Variants in MED13L observed in about 807,000 individuals in gnomAD.
The protein encoded by MED13L is mediator of RNA polymerase II transcription subunit 13-like.
MED13L carries 7 observed loss-of-function variants against 220.9 expected under a neutral mutation model. The observed-to-expected ratio is 0.03, with a 90% CI of 0.02 to 0.06. The LOEUF (loss-of-function observed/expected upper bound fraction) is 0.06. MED13L is among the 10% of genes least tolerant of loss of function. MED13L has a pLI of 1.00. For synonymous variants in MED13L, 1,011 were observed against 1,015.2 expected (o/e 1.00, Z 0.08); for missense variants, 1,965 against 2,760.5 (o/e 0.71, Z 6.46).
At chr12:116,215,789 C>T (rs11067947) in intron 2 of MED13L, among the ~76,000 whole-genome samples, 13,690 of 152,136 alleles carry the variant, frequency 0.09, 716 homozygotes, top group East Asian at 0.21. Context: ...ATGGTCCTCA[C>T]TGCATCTTTC....
intron 2 of MED13L, among the ~76,000 whole-genome samples, chr12:116,172,858 CCA>C (rs1400994304): frequency 6.6e-6 from 1 of 151,466 alleles, no homozygotes; most frequent in Non-Finnish European, 1.5e-5. Context: ...ATCCTTCCTG[CCA>C]CAGTGTCTTG....
In MED13L at chr12:116,010,882, C is replaced by CT. The variant is rs751574971; in HGVS notation, c.1281-1751dup. 5.6e-3 allele frequency among the ~76,000 whole-genome samples: 772 copies of CT among 138,566 alleles called. 2 individuals carry two copies. The highest frequency in any genetic ancestry group is 0.019 in the Middle Eastern group (5 of 262). 90.9% of individuals were successfully genotyped at this position (138,566 alleles called of 152,430 possible). On this transcript the variant is annotated intron_variant, in intron 9 of 30. Transcript: ENST00000281928. ...TACATGGCAAAAATTAAGGATTTTTCTTTTTTTTTTTTTTTGAGATGGAGT... is the reference window on the plus strand; with the variant it reads ...TACATGGCAAAAATTAAGGATTTTTCTTTTTTTTTTTTTTTTGAGATGGAGT...
Position 115,970,628 on chromosome 12 carries a change from G to A in MED13L, c.6033C>T (p.Asn2011=). The change falls in exon 27 of 31, where the codon AAC becomes AAT. Residue 2011 remains asparagine, a synonymous_variant. Coordinates refer to ENST00000281928, the MANE Select transcript of MED13L (RefSeq NM_015335.5). The stretch of plus-strand genomic sequence containing the variant: ...GGCTAAACCCATCTTCATTGGGGTA[G>A]TTGGCTGGAGCCACCTGGATGGTTG... ...TSSTIQVAPA[N]YPNEDGFSPN... 1.9e-6 allele frequency: 3 copies of A among 1,613,996 alleles called. No individual in the cohort carries two copies. The highest frequency in any genetic ancestry group is 2.2e-5 in the East Asian group (1 of 44,874).
At chr12:116,169,545 CGT>C (rs1197103343) in intron 2 of MED13L, among the ~76,000 whole-genome samples, 3 of 152,244 alleles carry the variant, frequency 2.0e-5, no homozygotes, top group Non-Finnish European at 4.4e-5. Flanking sequence ...TATAACAATA[CGT>C]TGTTTTGGTT....
intron 2 of MED13L, among the ~76,000 whole-genome samples, chr12:116,155,046 C>A (rs1361455237): frequency 6.6e-6 from 1 of 152,148 alleles, no homozygotes; most frequent in East Asian, 1.9e-4. Flanking sequence ...AGGCTGGTCT[C>A]AAACTCTTGA....
rs1325524709 is a variant in MED13L, at chr12:116,019,335, T to C, written c.898A>G (p.Ser300Gly). The C allele has an allele frequency of 3.1e-6, 5 of 1,614,012 alleles. No individual in the cohort carries two copies. The highest frequency in any genetic ancestry group is 4.2e-6 in the Non-Finnish European group (5 of 1,179,946). Residue 300 changes from serine to glycine, a missense_variant, in exon 7 of 31, where the codon AGT (serine) becomes GGT (glycine). Transcript: ENST00000281928. ...NDIPVPQSVASAGGHIAVGQQ... is the reference protein window; with the variant it reads ...NDIPVPQSVAGAGGHIAVGQQ... ...CCAACTGCAATGTGGCCTCCAGCAC[T>C]GGCAACACTCTGAGGAACCGGGATG...
intron 4 of MED13L, chr12:116,082,751 T>G (rs1871320213): frequency 6.6e-6 from 1 of 152,130 alleles, no homozygotes; most frequent in African/African-American, 2.4e-5. Context: ...ACACTTGTAG[T>G]GGGTCCTAAT....
At chr12:116,145,130 A>G (rs1315816831) in intron 2 of MED13L, among the ~76,000 whole-genome samples, 1 of 152,198 alleles carries the variant, frequency 6.6e-6, no homozygotes, top group Non-Finnish European at 1.5e-5. Context: ...GCCTCATACC[A>G]AACAGGGTAG....
At chr12:116,161,907 T>C (rs1439214247) in intron 2 of MED13L, among the ~76,000 whole-genome samples, 1 of 152,094 alleles carries the variant, frequency 6.6e-6, no homozygotes, top group Non-Finnish European at 1.5e-5. Context: ...TGTATCTTTT[T>C]TTAAAAAAAG....
intron 14 of MED13L, among the ~76,000 whole-genome samples, chr12:115,998,400 T>G (rs1312360706): frequency 6.6e-6 from 1 of 152,218 alleles, no homozygotes; most frequent in East Asian, 1.9e-4. Context: ...AAGATCTGAC[T>G]CCTAGCTCCG....
intron 4 of MED13L, among the ~76,000 whole-genome samples, chr12:116,061,631 G>T (rs151091836): frequency 6.6e-6 from 1 of 152,038 alleles, no homozygotes; most frequent in African/African-American, 2.4e-5. Context: ...TCATCAATGC[G>T]CATCCCAAAT....
chr12:115,987,673 TATG>T (rs1022761429), intron 17 of MED13L, among the ~76,000 whole-genome samples: 2 of 152,202 alleles, frequency 1.3e-5, no homozygotes, highest in African/African-American at 4.8e-5. Context: ...GTTTTGTTTA[TATG>T]ATAAGTAGGA....
intron 1 of MED13L, among the ~76,000 whole-genome samples, chr12:116,254,609 G>A (rs1191555812): frequency 1.3e-5 from 2 of 151,872 alleles, no homozygotes; most frequent in South Asian, 2.1e-4. Context: ...AAATTAGCCA[G>A]GCATGGTGGC....
At chr12:116,156,923 G>C (rs1593110607) in intron 2 of MED13L, among the ~76,000 whole-genome samples, 2 of 152,236 alleles carry the variant, frequency 1.3e-5, no homozygotes, top group East Asian at 3.9e-4. Flanking sequence ...AGAGCAACTA[G>C]ACAGAAGGAG....
At chr12:116,050,145 G>C (rs1380472395) in intron 4 of MED13L, among the ~76,000 whole-genome samples, 1 of 151,944 alleles carries the variant, frequency 6.6e-6, no homozygotes, top group Non-Finnish European at 1.5e-5. Flanking sequence ...ATTGTTCTAG[G>C]GTGCGACTCC....
chr12:116,127,493 T>C lies in MED13L; in HGVS notation c.311-15981A>G, dbSNP rs75633796. 2.2e-4 allele frequency among the ~76,000 whole-genome samples: 33 copies of C among 152,306 alleles called. No individual in the cohort carries two copies. In the East Asian group the frequency reaches 5.4e-3, roughly 25 times the overall value. On this transcript the variant is annotated intron_variant, in intron 2 of 30. Transcript: ENST00000281928. ...AATTTTAAATATAAGTACCCCTATG[T>C]AGTCCGTTAAACAGTTACTACTCTA...
chr12:116,237,581 G>A lies in MED13L; in HGVS notation c.197C>T (p.Ala66Val), dbSNP rs1418227712. 1 of 1,614,194 alleles carries A rather than the reference G, an allele frequency of 6.2e-7. No individual in the cohort carries two copies. Among genetic ancestry groups the A allele is most frequent in the East Asian group, 2.2e-5 (1 of 44,884 alleles). Residue 66 changes from alanine to valine, a missense_variant, in exon 2 of 31, where the codon GCT becomes GTT. Around this residue, in one of 10 missense-constraint regions of MED13L, gnomAD observed 818 missense variants for 1,041.2 expected, o/e 0.79. Transcript: ENST00000281928. ...ILLSFIRCLQ[A>V]NLLCVWRRDV... ...ACGACGCCATACACAAAGCAGGTTA[G>A]CTTGCAGACAGCGGATGAAACTTAA...
chr12:115,970,868 T>C, intron 26 of MED13L, 98 bp from the exon 27 acceptor site: 1 of 1,167,972 alleles, frequency 8.6e-7, no homozygotes, highest in Non-Finnish European at 1.2e-6. Flanking sequence ...CTGATGAAAA[T>C]GCCATGATAA....
chr12:116,067,586 C>A (rs1296984555), intron 4 of MED13L, among the ~76,000 whole-genome samples: 1 of 152,062 alleles, frequency 6.6e-6, no homozygotes, highest in African/African-American at 2.4e-5. Context: ...ATAAACCTGA[C>A]AAAACAAGCA....
Sources: allele counts gnomAD v4.1 joint callset (sites outside exome capture counted in the v4.1 genomes callset), GRCh38; gene constraint gnomAD v4.1.1; regional missense constraint gnomAD v4.1.1; transcripts MANE v1.5; gene names NCBI Gene and HGNC (gene_info 2026-07-23, HGNC 2026-07-21).